The following HSP90AA1 variants were observed in gnomAD, a reference collection of about 807,000 sequenced individuals.
The protein encoded by HSP90AA1 is heat shock protein 90 alpha family class A member 1.
Under a neutral mutation model 73.3 loss-of-function variants are expected in HSP90AA1, and 18 were observed. That is an observed-to-expected ratio of 0.25 (90% CI 0.17 to 0.36). The LOEUF (loss-of-function observed/expected upper bound fraction) is 0.36. HSP90AA1 is among the 10% of genes least tolerant of loss of function. The pLI is 1.00. For missense variants in HSP90AA1, 704 were observed against 874.2 expected (o/e 0.81, Z 2.45); for synonymous variants, 477 against 296.9 (o/e 1.61, Z -6.24).
chr14:102,086,365 G>A lies in HSP90AA1; in HGVS notation c.14C>T (p.Thr5Ile), dbSNP rs772078840. 6.2e-7 allele frequency: 1 copy of A among 1,614,144 alleles called. No homozygotes were observed. Among genetic ancestry groups the A allele is most frequent in the Non-Finnish European group, 8.5e-7 (1 of 1,180,028 alleles). The change falls in exon 2 of 11, where the codon ACC becomes ATC. Residue 5 changes from threonine to isoleucine, a missense_variant. Transcript: ENST00000216281. MPEE[T>I]QTQDQPMEEE... ...CTCCATCGGTTGGTCTTGGGTCTGG[G>A]TTTCCTCAGGCATCTGGAACGACAC...
rs55960360 is a variant in HSP90AA1, at chr14:102,081,884, C to T, written c.2090-63G>A. On this transcript the variant is annotated intron_variant, in intron 10 of 10. Coordinates refer to ENST00000216281, the MANE Select transcript of HSP90AA1 (RefSeq NM_005348.4). ...CTTAAAGCCAGCTATTAGGGTAATACTCTTGGTTTCTATCTGCTTTCAAGA... is the reference window on the plus strand; with the variant it reads ...CTTAAAGCCAGCTATTAGGGTAATATTCTTGGTTTCTATCTGCTTTCAAGA... 3.8e-4 allele frequency: 326 copies of T among 860,410 alleles called. 3 individuals carry two copies. In the East Asian group the frequency reaches 7.7e-3, roughly 20 times the overall value. 53.3% of individuals were successfully genotyped at this position (860,410 alleles called of 1,614,324 possible).
rs765346190 is a variant in HSP90AA1 at position 102,083,289 on chromosome 14, G to C, written c.1500C>G (p.Asp500Glu). 1 of 1,614,012 alleles carries C rather than the reference G, an allele frequency of 6.2e-7. No individual in the cohort carries two copies. The highest frequency in any genetic ancestry group is 8.5e-7 in the Non-Finnish European group (1 of 1,180,016). ...HIYYITGETK[D>E]QVANSAFVER... The stretch of plus-strand genomic sequence containing the variant: ...CCACAAAGGCTGAGTTAGCTACCTG[G>C]TCCTTGGTCTCACCTGAGGTATTAC... Residue 500 changes from aspartate (D) to glutamate (E), a missense_variant, in exon 9 of 11, where the codon GAC (aspartate) becomes GAG (glutamate). Asp to Glu is a conservative substitution (Grantham distance 45, BLOSUM62 2). Transcript: ENST00000216281.
At chr14:102,099,818 G>A (rs1259136633) in intron 2 of HSP90AA1, among the ~76,000 whole-genome samples, 3 of 152,096 alleles carry the variant, frequency 2.0e-5, no homozygotes, top group African/African-American at 4.8e-5. Flanking sequence ...ATGTCCCTCC[G>A]TTCTCACAGG....
intron 1 of HSP90AA1, among the ~76,000 whole-genome samples, chr14:102,110,430 GTTTGTTTT>G (rs1033450990): frequency 2.7e-5 from 4 of 146,160 alleles, no homozygotes; most frequent in African/African-American, 1.1e-4. Context: ...TTGTTTGTTT[GTTTGTTTT>G]TGAGAGAGTT....
At chr14:102,109,018 T>C (rs188310076) in intron 1 of HSP90AA1, among the ~76,000 whole-genome samples, 15 of 152,316 alleles carry the variant, frequency 9.8e-5, no homozygotes, top group Admixed American at 9.8e-4. Flanking sequence ...ATAATTTACA[T>C]AAAGTGCTAA....
intron 1 of HSP90AA1, among the ~76,000 whole-genome samples, chr14:102,129,929 G>C (rs749634428): frequency 4.6e-5 from 7 of 152,052 alleles, no homozygotes; most frequent in Non-Finnish European, 8.8e-5. Context: ...GAATAATGCC[G>C]CTGTGAACAT....
chr14:102,113,750 G>A (rs1054979002), intron 1 of HSP90AA1, among the ~76,000 whole-genome samples: 9 of 151,294 alleles, frequency 5.9e-5, no homozygotes, highest in African/African-American at 1.2e-4. Flanking sequence ...TCGCTCTGTC[G>A]CCCAGGCTGG....
chr14:102,101,024 C>A (rs763475739), intron 2 of HSP90AA1, among the ~76,000 whole-genome samples: 2 of 152,178 alleles, frequency 1.3e-5, no homozygotes, highest in Non-Finnish European at 2.9e-5. Flanking sequence ...TAAATTACCA[C>A]GTGCTGGACA....
chr14:102,083,142 C>A lies in HSP90AA1; in HGVS notation c.1647G>T (p.Leu549=), dbSNP rs1159989267. 6.2e-7 allele frequency: 1 copy of A among 1,613,926 alleles called. No homozygotes were observed. The highest frequency in any genetic ancestry group is 1.1e-5 in the South Asian group (1 of 91,078). ...TCTCTTCTTCATCCTCTGGAAGTTC[C>A]AGGCCTTCTTTGGTGACTGACACTA... ...KTLVSVTKEG[L]ELPEDEEEKK... The change falls in exon 9 of 11, where the codon CTG becomes CTT. Residue 549 remains leucine (L), a synonymous_variant. Transcript: ENST00000216281.
At chr14:102,086,884 C>T (rs893218043) in intron 1 of HSP90AA1, 102 bp downstream of exon 1, 10 of 678,482 alleles carry the variant, frequency 1.5e-5, no homozygotes, top group African/African-American at 1.9e-5. Flanking sequence ...GCCCTGGCTG[C>T]TTCAGGGATC....
chr14:102,139,262 G>T, exon 1 of HSP90AA1: 1 of 1,614,136 alleles, frequency 6.2e-7, no homozygotes, highest in Admixed American at 1.7e-5. Flanking sequence ...TCTCAGAAAC[G>T]GCGGCGAGGA....
At position 102,128,625 on chromosome 14, in the gene HSP90AA1, T is replaced by C. The variant is rs1377201181; in HGVS notation, c.155+10625A>G. 4.8e-5 allele frequency among the ~76,000 whole-genome samples: 5 copies of C among 103,954 alleles called. 1 individual carries two copies. Among genetic ancestry groups the C allele is most frequent in the African/African-American group, 1.0e-4 (3 of 28,722 alleles). 68.2% of individuals were successfully genotyped at this position (103,954 alleles called of 152,430 possible). ...CCTGGGCAGTAAGAGCAAAACTCCG[T>C]CTCGGAAAAAAAAAAAAAAAAAAAA... On this transcript the variant is annotated intron_variant, in intron 1 of 11. Coordinates refer to the HSP90AA1 transcript ENST00000334701.
rs937454923 is a variant in HSP90AA1, at chr14:102,081,575, C to T, written c.*137G>A. Reference sequence around the variant, plus strand: ...ACAGCATCACTTAGTAGACAGAAATCTTATCTTCCCCTTAAAGTAGTTGTC... The same window carrying T: ...ACAGCATCACTTAGTAGACAGAAATTTTATCTTCCCCTTAAAGTAGTTGTC... On this transcript the variant is annotated 3_prime_UTR_variant, in exon 11 of 11. Transcript: ENST00000216281. 1.5e-6 allele frequency: 1 copy of T among 672,174 alleles called. No homozygotes were observed. Among genetic ancestry groups the T allele is most frequent in the Non-Finnish European group, 2.7e-6 (1 of 368,862 alleles). The allele number at this position is 672,174 out of a possible 1,614,324, so 41.6% of individuals were successfully genotyped here.
In HSP90AA1 at chr14:102,085,909, T is replaced by C. The variant is rs371668109; in HGVS notation, c.378A>G (p.Ala126=). The C allele has an allele frequency of 6.2e-6, 10 of 1,613,906 alleles. No homozygotes were observed. Among genetic ancestry groups the C allele is most frequent in the African/African-American group, 5.3e-5 (4 of 74,934 alleles). The change falls in exon 3 of 11, where the codon GCA becomes GCG. Residue 126 remains alanine (A), a synonymous_variant. Transcript: ENST00000216281. ...KAFMEALQAG[A]DISMIGQFGV... ...CGAACTGGCCAATCATAGAGATATC[T>C]GCACCAGCCTGCAAAGCTTCCATGA...
chr14:102,097,127 T>C (rs1399689310), intron 2 of HSP90AA1, among the ~76,000 whole-genome samples: 1 of 151,986 alleles, frequency 6.6e-6, no homozygotes, highest in African/African-American at 2.4e-5. Context: ...GCTGGGATTA[T>C]AGGCGCCCAC....
At chr14:102,095,775 T>C (rs1361648433) in intron 2 of HSP90AA1, among the ~76,000 whole-genome samples, 1 of 152,146 alleles carries the variant, frequency 6.6e-6, no homozygotes, top group Non-Finnish European at 1.5e-5. Context: ...CTTTAAAACG[T>C]TCTTTCTCTC....
chr14:102,128,987 A>G (rs2049871850), intron 1 of HSP90AA1, among the ~76,000 whole-genome samples: 1 of 152,096 alleles, frequency 6.6e-6, no homozygotes, highest in Non-Finnish European at 1.5e-5. Context: ...GAATTTCTTT[A>G]TGGCGCTCCC....
intron 1 of HSP90AA1, among the ~76,000 whole-genome samples, chr14:102,111,514 G>C (rs1340882569): frequency 6.6e-6 from 1 of 152,304 alleles, no homozygotes; most frequent in East Asian, 1.9e-4. Flanking sequence ...TGGGGGTACA[G>C]GCATTGGGTA....
Position 102,086,300 on chromosome 14 carries a change from C to T in HSP90AA1, c.79G>A (p.Ala27Thr). 1 of 1,614,136 alleles carries T rather than the reference C, an allele frequency of 6.2e-7. No individual in the cohort carries two copies. The highest frequency in any genetic ancestry group is 8.5e-7 in the Non-Finnish European group (1 of 1,180,004). Residue 27 changes from alanine to threonine, a missense_variant, in exon 2 of 11, where the codon GCC (alanine) becomes ACC (threonine). Transcript: ENST00000216281. ...VETFAFQAEIAQLMSLIINTF... is the reference protein window; with the variant it reads ...VETFAFQAEITQLMSLIINTF... ...TTGATGATCAATGACATCAACTGGG[C>T]AATTTCTGCCTGAAAGGCGAACGTC...
Sources: gnomAD v4.1 joint callset for allele counts (sites outside exome capture counted in the v4.1 genomes callset) on GRCh38, gnomAD v4.1.1 for gene constraint, MANE v1.5 for transcripts, NCBI Gene and HGNC (gene_info 2026-07-23, HGNC 2026-07-21) for gene names.